The following ZDHHC5 variants were observed in gnomAD, a reference collection of about 807,000 sequenced individuals.
The protein encoded by ZDHHC5 is zDHHC palmitoyltransferase 5, also known as palmitoyltransferase ZDHHC5.
Under a neutral mutation model 70.0 loss-of-function variants are expected in ZDHHC5, and 22 were observed. The ratio of observed to expected loss-of-function variants is 0.31; its 90% confidence interval spans 0.22 to 0.45. The LOEUF (loss-of-function observed/expected upper bound fraction) is 0.45. Among genes scored for constraint, ZDHHC5 ranks in the 20% least tolerant of loss-of-function variants. The pLI is 1.00. For missense variants in ZDHHC5, 746 were observed against 926.9 expected (o/e 0.80, Z 2.53); for synonymous variants, 313 against 347.8 (o/e 0.90, Z 1.11).
At chr11:57,689,707 G>T (rs1165969758) in intron 4 of ZDHHC5, among the ~76,000 whole-genome samples, 1 of 150,046 alleles carries the variant, frequency 6.7e-6, no homozygotes, top group Non-Finnish European at 1.5e-5. Flanking sequence ...TTAAGAGATG[G>T]GGTCTTGCTA....
intron 3 of ZDHHC5, among the ~76,000 whole-genome samples, chr11:57,685,110 T>C (rs1343181954): frequency 1.3e-5 from 2 of 152,022 alleles, no homozygotes; most frequent in African/African-American, 4.8e-5. Context: ...ATTGTGCCAT[T>C]GCACTCCAGC....
At position 57,695,901 on chromosome 11, in the gene ZDHHC5, C is replaced by T; in HGVS notation, c.886-19C>T. 1 of 1,605,988 alleles carries T rather than the reference C, an allele frequency of 6.2e-7. No individual in the cohort carries two copies. Among genetic ancestry groups the T allele is most frequent in the Non-Finnish European group, 8.5e-7 (1 of 1,177,682 alleles). The stretch of plus-strand genomic sequence containing the variant: ...TGCTCAATTTCTAAATCTGATTTTC[C>T]CTCCCTTCATCAATCCAGTCTAAGG... On this transcript the variant is annotated intron_variant, in intron 8 of 11. Coordinates refer to ENST00000287169, the MANE Select transcript of ZDHHC5 (RefSeq NM_015457.3).
chr11:57,693,767 C>G lies in ZDHHC5; in HGVS notation c.753-16C>G. 4 of 1,547,530 alleles carry G rather than the reference C, an allele frequency of 2.6e-6. No individual in the cohort carries two copies. Among genetic ancestry groups the G allele is most frequent in the Non-Finnish European group, 3.5e-6 (4 of 1,146,622 alleles). On this transcript the variant is annotated splice_polypyrimidine_tract_variant and intron_variant, in intron 7 of 11. Transcript: ENST00000287169. ...TCTCTCGCTGTGTCTCTCTCTCTCTCTCTCTCGACACTTAGGTATTTGGGG... is the reference window on the plus strand; with the variant it reads ...TCTCTCGCTGTGTCTCTCTCTCTCTGTCTCTCGACACTTAGGTATTTGGGG...
intron 6 of ZDHHC5, among the ~76,000 whole-genome samples, chr11:57,692,085 C>T (rs997347622): frequency 1.4e-4 from 21 of 152,008 alleles, no homozygotes; most frequent in Admixed American, 4.6e-4. Context: ...GGCACGATCT[C>T]GGCTCACTGC....
intron 3 of ZDHHC5, among the ~76,000 whole-genome samples, chr11:57,682,751 G>A (rs767117026): frequency 3.9e-5 from 6 of 152,098 alleles, no homozygotes; most frequent in Non-Finnish European, 5.9e-5. Flanking sequence ...ATCAGGTCAG[G>A]GTCTTTAGGA....
At chr11:57,686,165 A>T (rs917205720) in intron 3 of ZDHHC5, among the ~76,000 whole-genome samples, 1 of 152,160 alleles carries the variant, frequency 6.6e-6, no homozygotes, top group Non-Finnish European at 1.5e-5. Context: ...GGTTCCAGCT[A>T]CTTGGGAGGC....
At chr11:57,697,345 C>T (rs902662544) in intron 10 of ZDHHC5, among the ~76,000 whole-genome samples, 2 of 152,122 alleles carry the variant, frequency 1.3e-5, no homozygotes, top group African/African-American at 4.8e-5. Flanking sequence ...TGCCTGTAGT[C>T]CCAGCTACTC....
At chr11:57,673,236 T>C (rs759644008) in intron 2 of ZDHHC5, 42 bp downstream of exon 2, 1 of 1,593,310 alleles carries the variant, frequency 6.3e-7, no homozygotes, top group Admixed American at 1.7e-5. Context: ...GGGTGGATAC[T>C]CCATGGGAAG....
At chr11:57,681,588 A>G (rs1368746937) in intron 2 of ZDHHC5, 2 of 152,222 alleles carry the variant, frequency 1.3e-5, no homozygotes, top group African/African-American at 2.4e-5. Context: ...ATTCCTACGT[A>G]GATTCAAATC....
Position 57,699,976 on chromosome 11 carries a change from G to T in ZDHHC5, c.2093G>T (p.Gly698Val). 6.2e-7 allele frequency: 1 copy of T among 1,613,228 alleles called. No homozygotes were observed. The highest frequency in any genetic ancestry group is 1.1e-5 in the South Asian group (1 of 90,942). ...CCACCTCTCAGTAGCCCCACGAGGG[G>T]AGGAGTCAAGAAGGTGTCAGGGGTT... ...GQPPLSSPTR[G>V]GVKKVSGVGG... Residue 698 changes from glycine (G) to valine (V), a missense_variant, in exon 12 of 12, where the codon GGA becomes GTA. By Grantham distance (109) the Gly-to-Val change is moderately radical. Coordinates refer to ENST00000287169, the MANE Select transcript of ZDHHC5 (RefSeq NM_015457.3).
At position 57,673,023 on chromosome 11, in the gene ZDHHC5, C is replaced by G; in HGVS notation, c.-68C>G. On this transcript the variant is annotated 5_prime_UTR_variant, in exon 2 of 12. Coordinates refer to ENST00000287169, the MANE Select transcript of ZDHHC5 (RefSeq NM_015457.3). ...TCTGTTGCTTCCCTCCTCCCATTTT[C>G]TTGTCTGTTCTGCCGCTGTGTGGGC... 6.7e-7 allele frequency: 1 copy of G among 1,484,626 alleles called. No individual in the cohort carries two copies. The highest frequency in any genetic ancestry group is 9.4e-7 in the Non-Finnish European group (1 of 1,066,346). 92.0% of individuals were successfully genotyped at this position (1,484,626 alleles called of 1,614,324 possible). A position where few individuals can be genotyped will look rare whatever the true frequency, so the allele number is the denominator to read the frequency against.
At chr11:57,690,002 G>A in intron 4 of ZDHHC5, 29 bp from the exon 5 acceptor site, 2 of 1,611,084 alleles carry the variant, frequency 1.2e-6, no homozygotes, top group Non-Finnish European at 1.7e-6. Flanking sequence ...GTCCAGGGAT[G>A]CCTCTCATCT....
rs537679186 is a variant in ZDHHC5, at chr11:57,692,366, A to G, written c.661-245A>G. ...CTTAGTTTTCAATATTTAGAAAGCT[A>G]TCCCATTTTACATGAGGAAACTGAG... On this transcript the variant is annotated intron_variant, in intron 6 of 11. Coordinates refer to ENST00000287169, the MANE Select transcript of ZDHHC5 (RefSeq NM_015457.3). 8.5e-5 allele frequency among the ~76,000 whole-genome samples: 13 copies of G among 152,280 alleles called. No individual in the cohort carries two copies. The East Asian group carries it at 1.9e-3, about 23-fold the overall frequency.
chr11:57,693,763 C>T lies in ZDHHC5; in HGVS notation c.753-20C>T, dbSNP rs748755583. On this transcript the variant is annotated intron_variant, in intron 7 of 11. Transcript: ENST00000287169. ...AAGCTCTCTCGCTGTGTCTCTCTCT[C>T]TCTCTCTCTCGACACTTAGGTATTT... 2 of 1,543,828 alleles carry T rather than the reference C, an allele frequency of 1.3e-6. No individual in the cohort carries two copies. Among genetic ancestry groups the T allele is most frequent in the Non-Finnish European group, 1.7e-6 (2 of 1,144,966 alleles).
Position 57,673,005 on chromosome 11 carries a change from C to G in ZDHHC5, c.-86C>G. 43 of 1,260,522 alleles carry G rather than the reference C, an allele frequency of 3.4e-5. No homozygotes were observed. The highest frequency in any genetic ancestry group is 3.8e-5 in the Non-Finnish European group (33 of 866,656). The allele number at this position is 1,260,522 out of a possible 1,614,324, so 78.1% of individuals were successfully genotyped here. On this transcript the variant is annotated 5_prime_UTR_variant, in exon 2 of 12. Transcript: ENST00000287169. ...TTTTCTTTTGTACTCCTCTCTGTTG[C>G]TTCCCTCCTCCCATTTTCTTGTCTG...
At chr11:57,697,311 A>G (rs1300511674) in intron 10 of ZDHHC5, among the ~76,000 whole-genome samples, 4 of 151,954 alleles carry the variant, frequency 2.6e-5, no homozygotes, top group Non-Finnish European at 5.9e-5. Context: ...AAATACAAAA[A>G]AATTAGCCAG....
At chr11:57,685,006 G>T (rs770323144) in intron 3 of ZDHHC5, among the ~76,000 whole-genome samples, 1 of 152,072 alleles carries the variant, frequency 6.6e-6, no homozygotes, top group Non-Finnish European at 1.5e-5. Flanking sequence ...AAATTAGCCC[G>T]ACATGGTGGT....
intron 2 of ZDHHC5, among the ~76,000 whole-genome samples, chr11:57,680,909 G>T (rs887043411): frequency 6.6e-6 from 1 of 152,194 alleles, no homozygotes; most frequent in Non-Finnish European, 1.5e-5. Flanking sequence ...AACTATGACT[G>T]AAGGTCTGTT....
intron 2 of ZDHHC5, among the ~76,000 whole-genome samples, chr11:57,674,012 C>A (rs1051216654): frequency 6.6e-6 from 1 of 152,140 alleles, no homozygotes; most frequent in Non-Finnish European, 1.5e-5. Flanking sequence ...GCTTTTAGTG[C>A]TACCCAGATG....
Sources: gnomAD v4.1 joint callset for allele counts (sites outside exome capture counted in the v4.1 genomes callset) on GRCh38, gnomAD v4.1.1 for gene constraint, MANE v1.5 for transcripts, NCBI Gene and HGNC (gene_info 2026-07-23, HGNC 2026-07-21) for gene names.